The following ZDHHC13 variants were observed in gnomAD, a reference collection of about 807,000 sequenced individuals.
The protein encoded by ZDHHC13 is zDHHC palmitoyltransferase 13.
A neutral mutation model predicts 86.0 loss-of-function variants in ZDHHC13; 85 were observed. The observed-to-expected ratio is 0.99, with a 90% CI of 0.83 to 1.18. ZDHHC13 has a LOEUF of 1.18. ZDHHC13 is among the 50% of genes most tolerant of loss of function. The pLI, the probability that ZDHHC13 is intolerant of heterozygous loss-of-function variation, is 0.00. For missense variants in ZDHHC13, 711 were observed against 730.2 expected, an observed-to-expected ratio of 0.97 and a Z score of 0.30; for synonymous variants, 263 against 246.4, an observed-to-expected ratio of 1.07 and a Z score of -0.63.
chr11:19,129,825 G>A (rs1274566181), intron 1 of ZDHHC13, among the ~76,000 whole-genome samples: 2 of 152,160 alleles, frequency 1.3e-5, no homozygotes, highest in East Asian at 1.9e-4. Flanking sequence ...GGGTGCGGTC[G>A]CTCACACCTG....
At chr11:19,146,897 G>C (rs1293528986) in intron 3 of ZDHHC13, among the ~76,000 whole-genome samples, 1 of 152,070 alleles carries the variant, frequency 6.6e-6, no homozygotes, top group Non-Finnish European at 1.5e-5. Context: ...ATTTATTAAG[G>C]TTTAAAATGT....
intron 15 of ZDHHC13, among the ~76,000 whole-genome samples, chr11:19,171,584 A>G (rs955448709): frequency 4.6e-5 from 7 of 152,192 alleles, no homozygotes; most frequent in South Asian, 4.1e-4. Context: ...TCTGACTTCA[A>G]TAGACTCCAG....
At position 19,118,366 on chromosome 11, in the gene ZDHHC13, T is replaced by C. The variant is rs1394201489; in HGVS notation, c.27+1090T>C. On this transcript the variant is annotated intron_variant, in intron 1 of 16. Coordinates refer to ENST00000446113, the MANE Select transcript of ZDHHC13 (RefSeq NM_019028.3). Reference sequence around the variant, plus strand: ...GTGAGGGACAAGATGTCTGGGGAAATGTCAAGGTGTTCTTATTGGTTATTC... The same window carrying C: ...GTGAGGGACAAGATGTCTGGGGAAACGTCAAGGTGTTCTTATTGGTTATTC... 2.0e-5 allele frequency among the ~76,000 whole-genome samples: 3 copies of C among 152,310 alleles called. No homozygotes were observed. In the East Asian group the frequency reaches 5.8e-4, roughly 29 times the overall value.
At chr11:19,140,594 C>T (rs1343795101) in intron 1 of ZDHHC13, among the ~76,000 whole-genome samples, 1 of 152,092 alleles carries the variant, frequency 6.6e-6, no homozygotes, top group Admixed American at 6.5e-5. Context: ...ATAAATCATG[C>T]TGCTATAAAG....
chr11:19,153,079 A>G (rs946495187), intron 8 of ZDHHC13, among the ~76,000 whole-genome samples: 2 of 152,228 alleles, frequency 1.3e-5, no homozygotes, highest in Admixed American at 6.5e-5. Flanking sequence ...AAAGAAAATA[A>G]TAACATTTAC....
chr11:19,157,230 A>C (rs575410111), intron 9 of ZDHHC13, among the ~76,000 whole-genome samples: 87 of 152,336 alleles, frequency 5.7e-4, no homozygotes, highest in African/African-American at 1.9e-3. Flanking sequence ...AAAGCCCATA[A>C]AAGCAGGAAA....
rs1393589929 is a variant in ZDHHC13, at chr11:19,155,822, G to T, written c.900G>T (p.Val300=). The T allele has an allele frequency of 6.2e-7, 1 of 1,612,354 alleles. No homozygotes were observed. The highest frequency in any genetic ancestry group is 1.7e-5 in the Admixed American group (1 of 59,580). ...CELFLLLMLS[V]ITMWAIGYIL... is the part of the protein sequence containing the mutation. ...TCTTCCTGCTGCTGATGCTTTCTGT[G>T]ATTACCATGTGGGCTATTGGATACA... The change falls in exon 9 of 17, where the codon GTG becomes GTT. Residue 300 remains valine, a synonymous_variant. Transcript: ENST00000446113.
intron 10 of ZDHHC13, among the ~76,000 whole-genome samples, chr11:19,159,707 T>C (rs1316390960): frequency 5.9e-5 from 9 of 151,934 alleles, no homozygotes; most frequent in Admixed American, 5.9e-4. Context: ...ATCCAAGGAA[T>C]AGGTTTATTA....
chr11:19,152,602 T>C lies in ZDHHC13; in HGVS notation c.791T>C (p.Leu264Pro). The C allele has an allele frequency of 6.2e-7, 1 of 1,613,252 alleles. No homozygotes were observed. The highest frequency in any genetic ancestry group is 8.5e-7 in the Non-Finnish European group (1 of 1,179,404). Residue 264 changes from leucine (L) to proline (P), a missense_variant, in exon 8 of 17, where the codon CTC (leucine) becomes CCC (proline). Leu to Pro is a moderately conservative substitution (Grantham distance 98). Coordinates refer to ENST00000446113, the MANE Select transcript of ZDHHC13 (RefSeq NM_019028.3). Reference protein sequence around the residue: ...LDMALQNKNQLIIHMLKTEAK... With the variant: ...LDMALQNKNQPIIHMLKTEAK... ...ATGGCTCTACAAAACAAAAATCAGC[T>C]CATTATTCATATGCTAAAAACAGAA...
chr11:19,120,876 G>T (rs1224712170), intron 1 of ZDHHC13, among the ~76,000 whole-genome samples: 2 of 152,126 alleles, frequency 1.3e-5, no homozygotes, highest in Non-Finnish European at 2.9e-5. Flanking sequence ...AAATGGAATA[G>T]AATCATAGAA....
In ZDHHC13 at chr11:19,152,271, T is replaced by G; in HGVS notation, c.698T>G (p.Val233Gly). The G allele has an allele frequency of 6.2e-7, 1 of 1,613,378 alleles. No individual in the cohort carries two copies. The highest frequency in any genetic ancestry group is 8.5e-7 in the Non-Finnish European group (1 of 1,179,498). Reference sequence around the variant, plus strand: ...GTTGCAGCAGGAAATGTTAATGCAGTTGATAAGCTTTTGGAAGCTGGTTCT... The same window carrying G: ...GTTGCAGCAGGAAATGTTAATGCAGGTGATAAGCTTTTGGAAGCTGGTTCT... ...WAVAAGNVNA[V>G]DKLLEAGSSL... The change falls in exon 7 of 17, where the codon GTT (valine) becomes GGT (glycine). Residue 233 changes from valine to glycine, a missense_variant. Val to Gly is a moderately radical substitution (Grantham distance 109). Transcript: ENST00000446113.
intron 6 of ZDHHC13, among the ~76,000 whole-genome samples, chr11:19,151,046 A>T (rs887265396): frequency 1.3e-5 from 2 of 152,076 alleles, no homozygotes; most frequent in African/African-American, 4.8e-5. Flanking sequence ...TTCCTTACCT[A>T]TCAAGTAGAT....
intron 9 of ZDHHC13, among the ~76,000 whole-genome samples, chr11:19,156,724 A>G (rs1190334475): frequency 6.6e-6 from 1 of 152,028 alleles, no homozygotes; most frequent in Non-Finnish European, 1.5e-5. Context: ...CCCATTACCA[A>G]GTGTTCCCTA....
chr11:19,151,676 T>C (rs1198479721), intron 6 of ZDHHC13, among the ~76,000 whole-genome samples: 1 of 152,088 alleles, frequency 6.6e-6, no homozygotes, highest in African/African-American at 2.4e-5. Flanking sequence ...CTGAATTCTG[T>C]CTTCTAGTCC....
chr11:19,125,261 A>T (rs182796391), intron 1 of ZDHHC13, among the ~76,000 whole-genome samples: 6 of 152,180 alleles, frequency 3.9e-5, no homozygotes, highest in Non-Finnish European at 5.9e-5. Context: ...AATATAAAGA[A>T]CTCTCAAAAC....
chr11:19,161,904 C>T (rs1849921334), intron 10 of ZDHHC13, among the ~76,000 whole-genome samples: 1 of 152,084 alleles, frequency 6.6e-6, no homozygotes, highest in Non-Finnish European at 1.5e-5. Context: ...CATAGTATTA[C>T]AAGGATTTGA....
At chr11:19,156,585 C>T (rs1184743193) in intron 9 of ZDHHC13, among the ~76,000 whole-genome samples, 1 of 152,164 alleles carries the variant, frequency 6.6e-6, no homozygotes, top group African/African-American at 2.4e-5. Context: ...ACATAGTACT[C>T]AATAATCATA....
chr11:19,123,427 G>A (rs1436462179), intron 1 of ZDHHC13, among the ~76,000 whole-genome samples: 3 of 151,914 alleles, frequency 2.0e-5, no homozygotes. Context: ...AGGAGTTTAA[G>A]ACCAGTCTGG....
chr11:19,146,200 T>C lies in ZDHHC13; in HGVS notation c.193T>C (p.Cys65Arg), dbSNP rs749295602. 1.9e-6 allele frequency: 3 copies of C among 1,604,198 alleles called. No individual in the cohort carries two copies. Among genetic ancestry groups the C allele is most frequent in the Non-Finnish European group, 2.6e-6 (3 of 1,175,562 alleles). Residue 65 changes from cysteine to arginine, a missense_variant, in exon 3 of 17, where the codon TGT becomes CGT. By Grantham distance (180) the Cys-to-Arg change is radical (BLOSUM62 -3). Coordinates refer to ENST00000446113, the MANE Select transcript of ZDHHC13 (RefSeq NM_019028.3). ...KATQYGIFER[C>R]KELVEAGYDV... ...TTTGAGATACGGAATTTTTGAACGA[T>C]GTAAAGAGTTGGTAGAAGCAGGATA... is the stretch of plus-strand genomic sequence containing the variant.
Sources: gnomAD v4.1 joint callset for allele counts (sites outside exome capture counted in the v4.1 genomes callset) on GRCh38, gnomAD v4.1.1 for gene constraint, MANE v1.5 for transcripts, NCBI Gene and HGNC (gene_info 2026-07-23, HGNC 2026-07-21) for gene names.